Variants in DOCK11 observed in about 807,000 individuals in gnomAD.
DOCK11 encodes dedicator of cytokinesis 11.
A neutral mutation model predicts 169.1 loss-of-function variants in DOCK11; 70 were observed. The ratio of observed to expected loss-of-function variants is 0.41; its 90% CI spans 0.34 to 0.51. DOCK11 has a LOEUF of 0.51. Ranked by LOEUF, DOCK11 falls within the 20% of genes least tolerant of loss-of-function variation. The pLI is 0.10. For synonymous variants in DOCK11, 529 were observed against 541.3 expected, an observed-to-expected ratio of 0.98 and a Z score of 0.32; for missense variants, 1,166 against 1,538.8, an observed-to-expected ratio of 0.76 and a Z score of 4.05.
intron 48 of DOCK11, among the ~76,000 whole-genome samples, chrX:118,677,289 C>G (rs1009157511): frequency 8.9e-6 from 1 of 112,126 alleles, no homozygotes; most frequent in Non-Finnish European, 1.9e-5. Context: ...GAGCCTTGCT[C>G]TAAAGGTTAT....
At chrX:118,636,454 T>A in intron 36 of DOCK11, 42 bp downstream of exon 36, 1 of 716,602 alleles carries the variant, frequency 1.4e-6, no homozygotes, top group Non-Finnish European at 2.0e-6. Context: ...TCCCCTTATT[T>A]GGGGAGAATT....
intron 50 of DOCK11, 143 bp downstream of exon 50, chrX:118,681,391 T>G: frequency 1.6e-6 from 1 of 613,843 alleles, no homozygotes; most frequent in Non-Finnish European, 2.4e-6. Context: ...GTTCATTTAA[T>G]GAAGATATTA....
chrX:118,557,543 T>C (rs187627803), intron 6 of DOCK11, among the ~76,000 whole-genome samples: 97 of 109,227 alleles, frequency 8.9e-4, no homozygotes, highest in African/African-American at 3.1e-3. Context: ...CTGAGGTGGG[T>C]GGATCACGAG....
intron 1 of DOCK11, among the ~76,000 whole-genome samples, chrX:118,502,302 A>G (rs962866976): frequency 8.9e-6 from 1 of 112,164 alleles, no homozygotes; most frequent in African/African-American, 3.2e-5. Context: ...ACCATGGGCT[A>G]GACCTAGCTC....
intron 1 of DOCK11, among the ~76,000 whole-genome samples, chrX:118,497,391 C>A (rs1316015890): frequency 2.7e-5 from 3 of 111,776 alleles, no homozygotes; most frequent in African/African-American, 6.5e-5. Context: ...AAACTATGTA[C>A]CTTTGAGATA....
intron 20 of DOCK11, among the ~76,000 whole-genome samples, chrX:118,593,607 G>A (rs1356795871): frequency 9.0e-6 from 1 of 111,563 alleles, no homozygotes; most frequent in African/African-American, 3.3e-5. Flanking sequence ...GAAAAATGAG[G>A]AAGAAGCAAA....
chrX:118,554,985 T>C (rs1032596479), intron 6 of DOCK11, among the ~76,000 whole-genome samples: 9 of 111,879 alleles, frequency 8.0e-5, no homozygotes, highest in Non-Finnish European at 1.3e-4. Context: ...TTTTATATTA[T>C]TAGGATTGTG....
At position 118,573,917 on chromosome X, in the gene DOCK11, G is replaced by A. The variant is rs1445256412; in HGVS notation, c.1288G>A (p.Gly430Ser). The stretch of plus-strand genomic sequence containing the variant: ...CCCATCTGTCCGTGAAATGCTGTGG[G>A]GCTCTTCAACCCAACTGGCCAGTGA... ...NPPSVREMLW[G>S]SSTQLASDGS... is the part of the protein sequence containing the mutation. Residue 430 changes from glycine (G) to serine (S), a missense_variant, in exon 12 of 53, where the codon GGC (glycine) becomes AGC (serine). Transcript: ENST00000276202. 2.5e-6 allele frequency: 3 copies of A among 1,209,738 alleles called. No individual in the cohort carries two copies. Among genetic ancestry groups the A allele is most frequent in the African/African-American group, 3.5e-5 (2 of 57,090 alleles).
chrX:118,510,865 A>G (rs979380815), intron 1 of DOCK11, among the ~76,000 whole-genome samples: 1 of 111,889 alleles, frequency 8.9e-6, no homozygotes, highest in Non-Finnish European at 1.9e-5. Flanking sequence ...TGGAAAATCT[A>G]TCTGAGTTCT....
intron 32 of DOCK11, among the ~76,000 whole-genome samples, chrX:118,627,059 A>G (rs1292628451): frequency 2.7e-5 from 3 of 111,795 alleles, no homozygotes; most frequent in African/African-American, 9.8e-5. Flanking sequence ...GGAAAACCCC[A>G]TCTCTAAAAA....
intron 16 of DOCK11, among the ~76,000 whole-genome samples, chrX:118,587,668 C>T (rs2013857269): frequency 8.9e-6 from 1 of 111,748 alleles, no homozygotes; most frequent in South Asian, 3.7e-4. Flanking sequence ...CAAAAGGCCT[C>T]CATTATTTCT....
At position 118,565,105 on chromosome X, in the gene DOCK11, T is replaced by TG. The variant is rs2013040118; in HGVS notation, c.694-900_694-899insG. Among the ~76,000 whole-genome samples, 9 of 108,784 alleles carry TG rather than the reference T, an allele frequency of 8.3e-5. No individual in the cohort carries two copies. The South Asian group carries it at 3.3e-3, about 39-fold the overall frequency. 94.5% of individuals were successfully genotyped at this position (108,784 alleles called of 115,157 possible). ...CATGCGCCATCACGCCTGGCTATTT[T>TG]TTTTTGTATTTTTTTTGTAGAGATG... On this transcript the variant is annotated intron_variant, in intron 7 of 52. Coordinates refer to ENST00000276202, the MANE Select transcript of DOCK11 (RefSeq NM_144658.4).
chrX:118,602,395 G>A (rs150707455), intron 23 of DOCK11, among the ~76,000 whole-genome samples: 84 of 111,450 alleles, frequency 7.5e-4, no homozygotes, highest in African/African-American at 2.5e-3. Flanking sequence ...TAACTGAAGA[G>A]ACAGGACATA....
chrX:118,552,054 G>A (rs1239900361), intron 6 of DOCK11, among the ~76,000 whole-genome samples: 6 of 102,437 alleles, frequency 5.9e-5, no homozygotes, highest in Non-Finnish European at 9.7e-5. Flanking sequence ...AAAAAAAAAG[G>A]GAGGGAGGGA....
chrX:118,566,892 T>A (rs994626650), intron 9 of DOCK11, among the ~76,000 whole-genome samples: 34 of 112,121 alleles, frequency 3.0e-4, no homozygotes, highest in Admixed American at 1.5e-3. Context: ...CTTCCAGGCT[T>A]TTGTGACTTC....
intron 1 of DOCK11, among the ~76,000 whole-genome samples, chrX:118,535,800 T>A (rs1030599829): frequency 8.9e-6 from 1 of 111,775 alleles, no homozygotes; most frequent in Non-Finnish European, 1.9e-5. Context: ...GATGTTCATG[T>A]CTATTTTGGC....
At chrX:118,558,068 G>C (rs1332393579) in intron 6 of DOCK11, among the ~76,000 whole-genome samples, 1 of 102,942 alleles carries the variant, frequency 9.7e-6, no homozygotes, top group Admixed American at 1.1e-4. Context: ...TCCGCCTCCC[G>C]GGTACAAGTA....
chrX:118,501,355 G>A (rs1367013612), intron 1 of DOCK11, among the ~76,000 whole-genome samples: 1 of 111,024 alleles, frequency 9.0e-6, no homozygotes, highest in Admixed American at 9.6e-5. Flanking sequence ...GTGTCATGGC[G>A]CATGCCTGTA....
chrX:118,643,151 A>G (rs1475927864), intron 39 of DOCK11, among the ~76,000 whole-genome samples: 1 of 111,691 alleles, frequency 9.0e-6, no homozygotes, highest in African/African-American at 3.3e-5. Context: ...TTGATTTCTT[A>G]ATTGAGAAGC....
Sources: allele counts gnomAD v4.1 joint callset (sites outside exome capture counted in the v4.1 genomes callset), GRCh38; gene constraint gnomAD v4.1.1; transcripts MANE v1.5; gene names NCBI Gene and HGNC (gene_info 2026-07-23, HGNC 2026-07-21).